The following NRXN1 variants were observed in gnomAD, a reference collection of about 807,000 sequenced individuals.
NRXN1 encodes the protein neurexin-1.
In NRXN1, 39 loss-of-function variants were observed where a neutral mutation model predicts 150.9. The observed-to-expected ratio is 0.26, with a 90% CI of 0.20 to 0.34. The LOEUF is 0.34. Among genes scored for constraint, NRXN1 ranks in the 10% least tolerant of loss-of-function variants. NRXN1 has a pLI of 1.00. For missense variants in NRXN1, 1,815 were observed against 1,949.9 expected (o/e 0.93, Z 1.30); for synonymous variants, 924 against 757.0 (o/e 1.22, Z -3.62).
At chr2:50,270,871 C>A (rs10204880) in intron 17 of NRXN1, among the ~76,000 whole-genome samples, 91 of 152,184 alleles carry the variant, frequency 6.0e-4, no homozygotes, top group Non-Finnish European at 1.0e-3. Context: ...GTTGGCCAGG[C>A]TGGTGGCGAA....
At chr2:50,232,131 C>T (rs572734960) in intron 18 of NRXN1, among the ~76,000 whole-genome samples, 71 of 152,090 alleles carry the variant, frequency 4.7e-4, no homozygotes, top group Non-Finnish European at 9.1e-4. Flanking sequence ...AAATACCAGT[C>T]ATTTGGGGAC....
At chr2:50,280,456 G>A (rs976325706) in intron 17 of NRXN1, among the ~76,000 whole-genome samples, 3 of 152,074 alleles carry the variant, frequency 2.0e-5, no homozygotes, top group Non-Finnish European at 4.4e-5. Flanking sequence ...ATAGCCATGT[G>A]GCATGGATCC....
chr2:50,116,797 C>T (rs371697012), intron 18 of NRXN1, among the ~76,000 whole-genome samples: 55 of 152,220 alleles, frequency 3.6e-4, no homozygotes, highest in Non-Finnish European at 5.6e-4. Flanking sequence ...CTATGAATGA[C>T]GTAACCCCTT....
intron 5 of NRXN1, among the ~76,000 whole-genome samples, chr2:50,810,720 G>A (rs945110343): frequency 2.0e-5 from 3 of 152,150 alleles, no homozygotes; most frequent in Admixed American, 6.5e-5. Context: ...GGTGGCTCAT[G>A]CCTGTAATCC....
At chr2:50,651,472 AACATGACATGACATGACATGACATG>A (rs59984890) in intron 5 of NRXN1, among the ~76,000 whole-genome samples, 25 of 149,500 alleles carry the variant, frequency 1.7e-4, no homozygotes, top group Admixed American at 1.1e-3. Flanking sequence ...AACATAACGT[AACATGACATGACATGACATGACATG>A]ACATGACATG....
chr2:51,013,932 A>T lies in NRXN1; in HGVS notation c.772+13570T>A, dbSNP rs577673919. ...TTTCTGTCCTACTTTTCCTGCTTACAAATGCAATGCTATCAAGATTTTTCC... is the reference window on the plus strand; with the variant it reads ...TTTCTGTCCTACTTTTCCTGCTTACTAATGCAATGCTATCAAGATTTTTCC... On this transcript the variant is annotated intron_variant, in intron 2 of 22. Transcript: ENST00000401669. Among the ~76,000 whole-genome samples, 44 of 152,160 alleles carry T rather than the reference A, an allele frequency of 2.9e-4. 1 individual carries two copies. Among genetic ancestry groups the T allele is most frequent in the African/African-American group, 1.1e-3 (44 of 41,540 alleles).
chr2:50,837,658 T>TAAGA (rs1012299244), intron 5 of NRXN1, among the ~76,000 whole-genome samples: 1 of 151,962 alleles, frequency 6.6e-6, no homozygotes, highest in African/African-American at 2.4e-5. Context: ...AAGAGCTGAG[T>TAAGA]AAGAAAGAAA....
rs530363093 is a variant in NRXN1, at chr2:50,562,858, T to C, written c.1321-9833A>G. Among the ~76,000 whole-genome samples, 494 of 152,254 alleles carry C rather than the reference T, an allele frequency of 3.2e-3. 1 individual carries two copies. Among genetic ancestry groups the C allele is most frequent in the Non-Finnish European group, 5.2e-3 (356 of 67,986 alleles). On this transcript the variant is annotated intron_variant, in intron 8 of 22. Transcript: ENST00000401669. ...TATTTTTTCTTGATCTAGTTCCATG[T>C]CACCTAACTGTCACAGCTTTATAAT...
At chr2:50,768,489 T>C (rs1383663882) in intron 5 of NRXN1, among the ~76,000 whole-genome samples, 2 of 151,608 alleles carry the variant, frequency 1.3e-5, no homozygotes, top group Non-Finnish European at 2.9e-5. Context: ...TTAATTTTAG[T>C]AGAGATGAGG....
At chr2:50,535,263 G>A (rs2093225520) in intron 10 of NRXN1, among the ~76,000 whole-genome samples, 1 of 152,138 alleles carries the variant, frequency 6.6e-6, no homozygotes, top group Non-Finnish European at 1.5e-5. Context: ...TCTTTAAAAG[G>A]CTAATTCCAA....
At chr2:50,297,520 A>G (rs1186705666) in intron 17 of NRXN1, among the ~76,000 whole-genome samples, 3 of 152,164 alleles carry the variant, frequency 2.0e-5, no homozygotes, top group African/African-American at 4.8e-5. Flanking sequence ...AAGCTTTACT[A>G]CTTTGTCATA....
intron 17 of NRXN1, among the ~76,000 whole-genome samples, chr2:50,438,468 C>A (rs2085645979): frequency 6.6e-6 from 1 of 152,174 alleles, no homozygotes; most frequent in African/African-American, 2.4e-5. Context: ...TGAGCTGACT[C>A]AAAAATGCTA....
intron 22 of NRXN1, among the ~76,000 whole-genome samples, chr2:49,943,107 A>G (rs1672293038): frequency 6.6e-6 from 1 of 152,220 alleles, no homozygotes; most frequent in African/African-American, 2.4e-5. Context: ...TACGTTAGTC[A>G]CATCAGAAGA....
chr2:49,943,574 C>T (rs908707961), intron 22 of NRXN1, 130 bp downstream of exon 22: 5 of 688,590 alleles, frequency 7.3e-6, no homozygotes, highest in South Asian at 4.9e-5. Flanking sequence ...AATAAGAGTC[C>T]TCATCTCACA....
chr2:49,950,170 T>C (rs534067914), intron 21 of NRXN1, among the ~76,000 whole-genome samples: 21 of 151,876 alleles, frequency 1.4e-4, no homozygotes, highest in Admixed American at 2.6e-4. Context: ...AGGTATATGA[T>C]TCCCAAATTG....
At chr2:50,710,048 A>G (rs186962690) in intron 5 of NRXN1, among the ~76,000 whole-genome samples, 40 of 152,304 alleles carry the variant, frequency 2.6e-4, no homozygotes, top group African/African-American at 9.4e-4. Context: ...CCACCAGAAC[A>G]TGTGCAATGA....
chr2:50,158,351 G>A (rs1279624200), intron 18 of NRXN1, among the ~76,000 whole-genome samples: 3 of 151,344 alleles, frequency 2.0e-5, no homozygotes, highest in Non-Finnish European at 4.4e-5. Context: ...ACATACCTTA[G>A]TTAAGACAAT....
intron 18 of NRXN1, among the ~76,000 whole-genome samples, chr2:50,111,550 A>G (rs59196170): frequency 1.6e-3 from 242 of 152,068 alleles, no homozygotes; most frequent in African/African-American, 5.7e-3. Flanking sequence ...GAAGCAGGAG[A>G]ATAGCTATAG....
chr2:50,810,015 A>C (rs1668005989), intron 5 of NRXN1, among the ~76,000 whole-genome samples: 1 of 152,182 alleles, frequency 6.6e-6, no homozygotes. Context: ...TCTTCAATAT[A>C]GTCACGTTCA....
Sources: gnomAD v4.1 joint callset for allele counts (sites outside exome capture counted in the v4.1 genomes callset) on GRCh38, gnomAD v4.1.1 for gene constraint, MANE v1.5 for transcripts, NCBI Gene and HGNC (gene_info 2026-07-23, HGNC 2026-07-21) for gene names.